Variants in EFR3B observed in about 807,000 individuals in gnomAD.
The protein encoded by EFR3B is EFR3 homolog B, also known as protein EFR3 homolog B.
Under a neutral mutation model 104.7 loss-of-function variants are expected in EFR3B, and 64 were observed. The observed-to-expected ratio is 0.61, with a 90% CI of 0.50 to 0.75. The LOEUF is 0.75. Among genes scored for constraint, EFR3B ranks in the 30% least tolerant of loss-of-function variants. EFR3B has a pLI of 0.00. For missense variants in EFR3B, 750 were observed against 1,078.5 expected, an observed-to-expected ratio of 0.70 and a Z score of 4.27; for synonymous variants, 385 against 417.9, an observed-to-expected ratio of 0.92 and a Z score of 0.96.
intron 1 of EFR3B, among the ~76,000 whole-genome samples, chr2:25,057,571 C>T (rs1416289435): frequency 2.6e-5 from 4 of 152,070 alleles, no homozygotes; most frequent in Admixed American, 1.3e-4. Flanking sequence ...CACCTGAGGT[C>T]GGGAGTTCGA....
At chr2:25,121,880 C>T (rs1368140468) in intron 5 of EFR3B, 86 bp downstream of exon 5, 5 of 1,518,146 alleles carry the variant, frequency 3.3e-6, no homozygotes, top group Admixed American at 2.0e-5. Context: ...CCTGCCATTG[C>T]GTGTCTGCTT....
At chr2:25,141,506 A>T (rs1388094035) in intron 17 of EFR3B, 73 bp downstream of exon 17, 1 of 1,487,748 alleles carries the variant, frequency 6.7e-7, no homozygotes, top group Non-Finnish European at 9.1e-7. Flanking sequence ...GTCTGAGGTC[A>T]GGAGGGGTCA....
chr2:25,143,750 T>C lies in EFR3B; in HGVS notation c.1938T>C (p.Leu646=). The change falls in exon 18 of 23, where the codon CTT becomes CTC. Residue 646 remains leucine (L), a synonymous_variant. Coordinates refer to ENST00000403714, the MANE Select transcript of EFR3B (RefSeq NM_014971.2). The part of the protein sequence containing the change: ...FVERPRLSQN[L]DGVVIELLFR... ...CATCTTCCAGGCTGTCTCAGAATCT[T>C]GATGGGGTGGTCATTGAGCTCCTCT... 1 of 1,551,424 alleles carries C rather than the reference T, an allele frequency of 6.4e-7. No individual in the cohort carries two copies. Among genetic ancestry groups the C allele is most frequent in the East Asian group, 2.4e-5 (1 of 40,902 alleles).
At chr2:25,135,059 TGTGA>T (rs1488103839) in intron 12 of EFR3B, among the ~76,000 whole-genome samples, 3 of 152,228 alleles carry the variant, frequency 2.0e-5, no homozygotes, top group Non-Finnish European at 4.4e-5. Flanking sequence ...TCAGCCCAGC[TGTGA>T]GTTCTTCCAC....
chr2:25,065,962 C>T (rs1668325802), intron 1 of EFR3B, among the ~76,000 whole-genome samples: 1 of 152,200 alleles, frequency 6.6e-6, no homozygotes, highest in Non-Finnish European at 1.5e-5. Flanking sequence ...GCCTGTGTTC[C>T]ACCCACCTCA....
intron 4 of EFR3B, among the ~76,000 whole-genome samples, chr2:25,110,697 C>T (rs868605710): frequency 1.3e-5 from 2 of 152,002 alleles, no homozygotes; most frequent in Admixed American, 1.3e-4. Flanking sequence ...AAGAGAAAAA[C>T]AAAAAAATTA....
At chr2:25,102,644 A>T (rs1669457321) in intron 3 of EFR3B, among the ~76,000 whole-genome samples, 1 of 152,146 alleles carries the variant, frequency 6.6e-6, no homozygotes, top group African/African-American at 2.4e-5. Flanking sequence ...CGTGGGGATT[A>T]TTACAATTCA....
chr2:25,059,174 G>A (rs11676906), intron 1 of EFR3B, among the ~76,000 whole-genome samples: 5 of 150,380 alleles, frequency 3.3e-5, no homozygotes, highest in African/African-American at 4.9e-5. Context: ...GTGCAATGGC[G>A]CAATTTTGGC....
At chr2:25,072,621 G>T (rs901297015) in intron 1 of EFR3B, among the ~76,000 whole-genome samples, 1 of 152,192 alleles carries the variant, frequency 6.6e-6, no homozygotes, top group African/African-American at 2.4e-5. Flanking sequence ...TTCTTCTCTA[G>T]ATGGTCTCCC....
intron 1 of EFR3B, among the ~76,000 whole-genome samples, chr2:25,043,391 TC>T (rs1264987594): frequency 1.3e-5 from 2 of 152,160 alleles, no homozygotes; most frequent in East Asian, 3.8e-4. Context: ...CTCAGCTGCC[TC>T]GCTCCGCGAA....
rs1264104511 is a variant in EFR3B, at chr2:25,114,147, C to T, written c.364-7526C>T. Among the ~76,000 whole-genome samples the T allele has an allele frequency of 5.3e-5, 8 of 152,106 alleles. No homozygotes were observed. Among genetic ancestry groups the T allele is most frequent in the East Asian group, 3.9e-4 (2 of 5,188 alleles). ...GGTGTGGTCCTTTGACCAGGGCCCCCGGGAAAAACCCCATCAGACCCTCTG... is the reference window on the plus strand; with the variant it reads ...GGTGTGGTCCTTTGACCAGGGCCCCTGGGAAAAACCCCATCAGACCCTCTG... On this transcript the variant is annotated intron_variant, in intron 4 of 22. Transcript: ENST00000403714. This position sits in a 1 kb window ranked among gnomAD's most constrained non-coding sequence, Gnocchi z 4.0.
At position 25,156,972 on chromosome 2, in the gene EFR3B, C is replaced by G. The variant is rs1671186200; in HGVS notation, c.*2632C>G. 6.6e-6 allele frequency: 1 copy of G among 152,138 alleles called. No individual in the cohort carries two copies. The highest frequency in any genetic ancestry group is 1.5e-5 in the Non-Finnish European group (1 of 68,048). 9.4% of individuals were successfully genotyped at this position (152,138 alleles called of 1,614,324 possible). The stretch of plus-strand genomic sequence containing the variant: ...TTCATCCTGAGCACTGCCTGTGAGC[C>G]CTGGTTCTGGGACTTGGCAGTCGCC... On this transcript the variant is annotated 3_prime_UTR_variant, in exon 23 of 23. Transcript: ENST00000403714.
intron 1 of EFR3B, among the ~76,000 whole-genome samples, chr2:25,071,020 G>A (rs975516077): frequency 1.3e-5 from 2 of 152,182 alleles, no homozygotes; most frequent in African/African-American, 4.8e-5. Flanking sequence ...GAGTGCACTG[G>A]TGCGATCTGG....
chr2:25,125,371 C>T (rs954181942), intron 5 of EFR3B, among the ~76,000 whole-genome samples: 1 of 152,188 alleles, frequency 6.6e-6, no homozygotes, highest in Non-Finnish European at 1.5e-5. Context: ...ATGTGTGTCA[C>T]TTGTCCCTTG....
At chr2:25,044,658 G>C (rs373053079) in intron 1 of EFR3B, among the ~76,000 whole-genome samples, 1 of 152,070 alleles carries the variant, frequency 6.6e-6, no homozygotes, top group African/African-American at 2.4e-5. Context: ...TTTTATTAAC[G>C]TGATGGGCAG....
chr2:25,106,172 C>T (rs1299522676), intron 4 of EFR3B, among the ~76,000 whole-genome samples: 5 of 152,240 alleles, frequency 3.3e-5, no homozygotes, highest in South Asian at 2.1e-4. Context: ...GAGTCTAGCC[C>T]GGGAGTTCCA....
At chr2:25,108,328 T>G (rs1669623299) in intron 4 of EFR3B, among the ~76,000 whole-genome samples, 2 of 152,194 alleles carry the variant, frequency 1.3e-5, no homozygotes, top group Admixed American at 1.3e-4. Flanking sequence ...ATGCATGTCT[T>G]GAGGACAGTG....
Position 25,130,253 on chromosome 2 carries a change from T to C in EFR3B, c.770+144T>C. ...GTCGATCCCTTCCCTGTGCCTGTGT[T>C]CCCTGCACTGTGACAGCAAAAGCTG... On this transcript the variant is annotated intron_variant, in intron 7 of 22. Transcript: ENST00000403714. This position sits in a 1 kb window ranked among gnomAD's most constrained non-coding sequence, Gnocchi z 4.6. 1.5e-6 allele frequency: 2 copies of C among 1,332,500 alleles called. No homozygotes were observed. The highest frequency in any genetic ancestry group is 1.0e-6 in the Non-Finnish European group (1 of 985,292). 82.5% of individuals were successfully genotyped at this position (1,332,500 alleles called of 1,614,324 possible). A position where few individuals can be genotyped will look rare whatever the true frequency, so the allele number is the denominator to read the frequency against.
At chr2:25,043,871 G>T (rs932767402) in intron 1 of EFR3B, among the ~76,000 whole-genome samples, 1 of 152,206 alleles carries the variant, frequency 6.6e-6, no homozygotes, top group African/African-American at 2.4e-5. Flanking sequence ...AGTGGGGAAG[G>T]AGTTAGGACA....
Sources: gnomAD v4.1 joint callset for allele counts (sites outside exome capture counted in the v4.1 genomes callset) on GRCh38, gnomAD v4.1.1 for gene constraint, Gnocchi (gnomAD v3.1) non-coding constraint, MANE v1.5 for transcripts, NCBI Gene and HGNC (gene_info 2026-07-23, HGNC 2026-07-21) for gene names.